The following CRYBG1 variants were observed in gnomAD, a reference collection of about 807,000 sequenced individuals.
The protein encoded by CRYBG1 is beta/gamma crystallin domain-containing protein 1.
Under a neutral mutation model 189.2 loss-of-function variants are expected in CRYBG1, and 139 were observed. The observed-to-expected ratio is 0.73, with a 90% CI of 0.64 to 0.85. CRYBG1 has a LOEUF of 0.85. Ranked by LOEUF, CRYBG1 falls within the 40% of genes least tolerant of loss-of-function variation. The probability of loss-of-function intolerance (pLI) is 0.00; values close to 1 mark genes in which losing one functional copy is unlikely to be tolerated. For synonymous variants in CRYBG1, 1,023 were observed against 1,017.1 expected (o/e 1.01, Z -0.11); for missense variants, 2,611 against 2,675.8 (o/e 0.98, Z 0.53).
intron 1 of CRYBG1, among the ~76,000 whole-genome samples, chr6:106,428,386 T>C (rs1771266131): frequency 6.6e-6 from 1 of 152,164 alleles, no homozygotes; most frequent in African/African-American, 2.4e-5. Context: ...TATTTTACTT[T>C]TCTTTTTTTT....
At chr6:106,509,793 CTT>C (rs545203785) in intron 2 of CRYBG1, among the ~76,000 whole-genome samples, 267 of 152,176 alleles carry the variant, frequency 1.8e-3, no homozygotes, top group African/African-American at 5.8e-3. Flanking sequence ...TGAATTCTGA[CTT>C]TACTGCTCTG....
intron 2 of CRYBG1, among the ~76,000 whole-genome samples, chr6:106,500,931 G>A (rs1251452786): frequency 6.6e-6 from 1 of 152,202 alleles, no homozygotes; most frequent in East Asian, 1.9e-4. Flanking sequence ...TTCGGTGATA[G>A]GTGATTGCCC....
chr6:106,477,865 G>A (rs1271786628), intron 2 of CRYBG1, among the ~76,000 whole-genome samples: 1 of 152,236 alleles, frequency 6.6e-6, no homozygotes, highest in Non-Finnish European at 1.5e-5. Flanking sequence ...CTGTGTAAAG[G>A]ATCTCACACC....
At chr6:106,405,417 G>C (rs1770802508) in intron 1 of CRYBG1, among the ~76,000 whole-genome samples, 1 of 152,188 alleles carries the variant, frequency 6.6e-6, no homozygotes. Flanking sequence ...CCATCTCCCT[G>C]GGACAGAGCA....
rs537328984 is a variant in CRYBG1 at position 106,374,336 on chromosome 6, T to C, written c.173+13255T>C. Among the ~76,000 whole-genome samples the C allele has an allele frequency of 2.6e-5, 4 of 152,228 alleles. No individual in the cohort carries two copies. In the East Asian group the frequency reaches 7.7e-4, roughly 29 times the overall value. On this transcript the variant is annotated intron_variant, in intron 1 of 21. Transcript: ENST00000633556. ...TGTGAGGCTAAGGTGGGAGGATTGC[T>C]TGAAGCCAGGAGTTGGAGACCAGTC...
At chr6:106,399,855 G>A (rs1437838886) in intron 1 of CRYBG1, among the ~76,000 whole-genome samples, 5 of 151,668 alleles carry the variant, frequency 3.3e-5, no homozygotes, top group East Asian at 3.9e-4. Flanking sequence ...AAATATCTCC[G>A]GCCGGGTGCG....
chr6:106,535,421 A>G (rs1343535208), intron 8 of CRYBG1, among the ~76,000 whole-genome samples: 2 of 152,184 alleles, frequency 1.3e-5, no homozygotes, highest in African/African-American at 4.8e-5. Flanking sequence ...TCATTTTACC[A>G]TATTTGTGTT....
intron 8 of CRYBG1, among the ~76,000 whole-genome samples, chr6:106,538,787 T>C (rs1774061488): frequency 6.6e-6 from 1 of 151,812 alleles, no homozygotes; most frequent in South Asian, 2.1e-4. Context: ...TCCCAGCTAC[T>C]TGGAAGGCTG....
intron 1 of CRYBG1, among the ~76,000 whole-genome samples, chr6:106,444,788 A>T (rs1771632879): frequency 6.6e-6 from 1 of 152,164 alleles, no homozygotes; most frequent in Non-Finnish European, 1.5e-5. Flanking sequence ...GTGAGGGGGA[A>T]CTTAAACATT....
intron 2 of CRYBG1, among the ~76,000 whole-genome samples, chr6:106,455,209 A>G (rs1361506035): frequency 6.6e-6 from 1 of 152,092 alleles, no homozygotes; most frequent in African/African-American, 2.4e-5. Context: ...CTAACAGACC[A>G]TTTTTTTCAC....
chr6:106,436,711 TG>T (rs1771467730), intron 1 of CRYBG1, among the ~76,000 whole-genome samples: 1 of 152,194 alleles, frequency 6.6e-6, no homozygotes. Context: ...ATTACCTGAA[TG>T]GGTTTTTTGC....
rs1773563979 is a variant in CRYBG1 at position 106,520,294 on chromosome 6, T to A, written c.3086T>A (p.Val1029Asp). Residue 1029 changes from valine to aspartate, a missense_variant, in exon 4 of 22, where the codon GTC (valine) becomes GAC (aspartate). By Grantham distance (152) the Val-to-Asp change is radical (BLOSUM62 -3). Transcript: ENST00000633556. Reference sequence around the variant, plus strand: ...CTCGCGGCAAAATCTGGCCCACAAGTCATACCGCCAGCATCAGAGAAAACT... The same window carrying A: ...CTCGCGGCAAAATCTGGCCCACAAGACATACCGCCAGCATCAGAGAAAACT... Reference protein sequence around the residue: ...AELAAKSGPQVIPPASEKTLP... With the variant: ...AELAAKSGPQDIPPASEKTLP... 6.2e-7 allele frequency: 1 copy of A among 1,613,924 alleles called. No homozygotes were observed. Among genetic ancestry groups the A allele is most frequent in the Admixed American group, 1.7e-5 (1 of 59,986 alleles).
At chr6:106,547,191 C>T (rs1440806825) in intron 13 of CRYBG1, among the ~76,000 whole-genome samples, 65 of 19,960 alleles carry the variant, frequency 3.3e-3, no homozygotes, top group Non-Finnish European at 8.4e-3. Context: ...TACGTGGACA[C>T]ACACACACAC....
chr6:106,464,812 G>T (rs1260831440), intron 2 of CRYBG1, among the ~76,000 whole-genome samples: 1 of 152,026 alleles, frequency 6.6e-6, no homozygotes, highest in East Asian at 1.9e-4. Context: ...AGAGTTTAGA[G>T]AATTAAGTGA....
chr6:106,478,850 A>G (rs1209907726), intron 2 of CRYBG1, among the ~76,000 whole-genome samples: 1 of 152,204 alleles, frequency 6.6e-6, no homozygotes, highest in Non-Finnish European at 1.5e-5. Flanking sequence ...CTGTGTGTGC[A>G]AGGGATCTAG....
At chr6:106,375,077 T>C (rs971071323) in intron 1 of CRYBG1, among the ~76,000 whole-genome samples, 5 of 152,166 alleles carry the variant, frequency 3.3e-5, no homozygotes, top group African/African-American at 1.2e-4. Flanking sequence ...GACCTCTGTA[T>C]ATACCTTGTT....
At chr6:106,545,065 T>C in intron 13 of CRYBG1, 132 bp downstream of exon 13, 1 of 716,350 alleles carries the variant, frequency 1.4e-6, no homozygotes, top group Non-Finnish European at 2.2e-6. Flanking sequence ...AATCAGTCAT[T>C]TAATAGTTGC....
chr6:106,520,273 C>A lies in CRYBG1; in HGVS notation c.3065C>A (p.Ala1022Glu), dbSNP rs140546725. 6.2e-7 allele frequency: 1 copy of A among 1,614,148 alleles called. No individual in the cohort carries two copies. The highest frequency in any genetic ancestry group is 1.1e-5 in the South Asian group (1 of 91,088). Reference protein sequence around the residue: ...NEHSHCTAELAAKSGPQVIPP... With the variant: ...NEHSHCTAELEAKSGPQVIPP... ...CACTCTCATTGCACAGCAGAGCTCG[C>A]GGCAAAATCTGGCCCACAAGTCATA... The change falls in exon 4 of 22, where the codon GCG (alanine) becomes GAG (glutamate). Residue 1022 changes from alanine (A) to glutamate (E), a missense_variant. Coordinates refer to ENST00000633556, the MANE Select transcript of CRYBG1 (RefSeq NM_001371242.2).
intron 2 of CRYBG1, among the ~76,000 whole-genome samples, chr6:106,473,335 C>A (rs932706329): frequency 1.3e-5 from 2 of 152,196 alleles, no homozygotes; most frequent in Admixed American, 6.5e-5. Flanking sequence ...ACTCTTTCAT[C>A]CCACATCACT....
Sources: gnomAD v4.1 joint callset for allele counts (sites outside exome capture counted in the v4.1 genomes callset) on GRCh38, gnomAD v4.1.1 for gene constraint, MANE v1.5 for transcripts, NCBI Gene and HGNC (gene_info 2026-07-23, HGNC 2026-07-21) for gene names.